Variants in ARFGEF3 observed in about 807,000 individuals in gnomAD.
ARFGEF3 encodes brefeldin A-inhibited guanine nucleotide-exchange protein 3.
Under a neutral mutation model 221.7 loss-of-function variants are expected in ARFGEF3, and 96 were observed. The observed-to-expected ratio is 0.43, with a 90% confidence interval of 0.37 to 0.51. The LOEUF (loss-of-function observed/expected upper bound fraction) is 0.51. Ranked by LOEUF, ARFGEF3 falls within the 20% of genes least tolerant of loss-of-function variation. The probability of loss-of-function intolerance (pLI) is 0.00; values close to 1 mark genes in which losing one functional copy is unlikely to be tolerated. For synonymous variants in ARFGEF3, 1,145 were observed against 1,126.8 expected (o/e 1.02, Z -0.32); for missense variants, 2,410 against 2,789.9 (o/e 0.86, Z 3.07).
chr6:138,203,824 G>A (rs1777579915), intron 2 of ARFGEF3, among the ~76,000 whole-genome samples: 1 of 151,986 alleles, frequency 6.6e-6, no homozygotes, highest in South Asian at 2.1e-4. Context: ...TGCATTTTTA[G>A]TAGAGACGGG....
chr6:138,298,380 T>C (rs186913567), intron 21 of ARFGEF3, among the ~76,000 whole-genome samples: 1 of 152,344 alleles, frequency 6.6e-6, no homozygotes, highest in East Asian at 1.9e-4. Context: ...CTTTCCTTTT[T>C]CTAGAAACAT....
At chr6:138,314,743 A>G (rs1325225233) in intron 26 of ARFGEF3, among the ~76,000 whole-genome samples, 1 of 152,252 alleles carries the variant, frequency 6.6e-6, no homozygotes, top group Non-Finnish European at 1.5e-5. Context: ...CAGAGCAGAC[A>G]TTAAATTGTA....
At chr6:138,333,480 T>C (rs971126571) in intron 32 of ARFGEF3, among the ~76,000 whole-genome samples, 22 of 152,288 alleles carry the variant, frequency 1.4e-4, no homozygotes, top group East Asian at 5.8e-4. Context: ...CTTGCTCTGT[T>C]GCCCAGGCTG....
intron 1 of ARFGEF3, among the ~76,000 whole-genome samples, chr6:138,168,277 A>G (rs968371119): frequency 2.0e-5 from 3 of 152,226 alleles, no homozygotes; most frequent in Non-Finnish European, 4.4e-5. Flanking sequence ...AGTGAAGAAG[A>G]TAGGAGGTAC....
rs183881992 is a variant in ARFGEF3, at chr6:138,209,990, C to T, written c.300C>T (p.Ala100=). 1.1e-4 allele frequency: 171 copies of T among 1,613,804 alleles called. No homozygotes were observed. In the East Asian group the frequency reaches 1.2e-3, roughly 11 times the overall value. ...EKQLLNQILN[A]VKVTPSLNED... ...AGCTGCTCAATCAGATACTGAATGC[C>T]GTGAAAGTGACGCCTTCGCTCAACG... The change falls in exon 4 of 34, where the codon GCC becomes GCT. Residue 100 remains alanine (A), a synonymous_variant. Coordinates refer to ENST00000251691, the MANE Select transcript of ARFGEF3 (RefSeq NM_020340.5).
chr6:138,324,238 C>T (rs1780090238), intron 31 of ARFGEF3, 84 bp downstream of exon 31: 12 of 1,493,442 alleles, frequency 8.0e-6, no homozygotes, highest in South Asian at 6.4e-5. Flanking sequence ...CTCGCATCAC[C>T]AAATTGCCTT....
Position 138,263,291 on chromosome 6 carries a change from T to C in ARFGEF3, c.1808T>C (p.Leu603Pro), listed in dbSNP as rs759951964. The change falls in exon 12 of 34, where the codon CTT becomes CCT. Residue 603 changes from leucine to proline, a missense_variant. Leu to Pro is a moderately conservative substitution (Grantham distance 98). Around this residue, in one of 5 missense-constraint regions of ARFGEF3, gnomAD observed 594 missense variants for 734.3 expected, o/e 0.81. Transcript: ENST00000251691. The stretch of plus-strand genomic sequence containing the variant: ...AATTTTAGCGTTGATGACCAAGACC[T>C]TTCTAGGACAGAGTTTGATTCCTGT... ...ESNFSVDDQD[L>P]SRTEFDSCDQ... 1 of 1,613,984 alleles carries C rather than the reference T, an allele frequency of 6.2e-7. No homozygotes were observed. Among genetic ancestry groups the C allele is most frequent in the Non-Finnish European group, 8.5e-7 (1 of 1,179,896 alleles).
At chr6:138,220,808 G>C (rs934846079) in intron 4 of ARFGEF3, among the ~76,000 whole-genome samples, 1 of 152,136 alleles carries the variant, frequency 6.6e-6, no homozygotes, top group Non-Finnish European at 1.5e-5. Context: ...AATCCAGTTT[G>C]TTCTCCATAA....
At chr6:138,323,805 C>A (rs371206829) in intron 30 of ARFGEF3, 32 bp downstream of exon 30, 1 of 1,601,542 alleles carries the variant, frequency 6.2e-7, no homozygotes, top group East Asian at 2.2e-5. Context: ...CTCCCTGGCA[C>A]AGTTCTAACC....
At position 138,315,807 on chromosome 6, in the gene ARFGEF3, G is replaced by A. The variant is rs555672400; in HGVS notation, c.4346-1444G>A. On this transcript the variant is annotated intron_variant, in intron 26 of 33. Transcript: ENST00000251691. Reference sequence around the variant, plus strand: ...GGAGGTTGCAGTGAGCCGAGATTGCGCCACTGCACTCTAGACTGGGTGACA... The same window carrying A: ...GGAGGTTGCAGTGAGCCGAGATTGCACCACTGCACTCTAGACTGGGTGACA... Among the ~76,000 whole-genome samples the A allele has an allele frequency of 2.2e-4, 33 of 150,904 alleles. No individual in the cohort carries two copies. In the South Asian group the frequency reaches 6.1e-3, roughly 28 times the overall value.
rs570586731 is a variant in ARFGEF3 at position 138,249,724 on chromosome 6, G to T, written c.665+4133G>T. The stretch of plus-strand genomic sequence containing the variant: ...ATGGCTTTAGGCATGTTATTTTAGA[G>T]CTTAATGATTTTATAGGATTCTCAG... On this transcript the variant is annotated intron_variant, in intron 8 of 33. Coordinates refer to ENST00000251691, the MANE Select transcript of ARFGEF3 (RefSeq NM_020340.5). 2.6e-5 allele frequency among the ~76,000 whole-genome samples: 4 copies of T among 152,296 alleles called. No homozygotes were observed. In the South Asian group the frequency reaches 8.3e-4, roughly 32 times the overall value.
intron 12 of ARFGEF3, among the ~76,000 whole-genome samples, chr6:138,277,505 T>C (rs1583045314): frequency 1.3e-5 from 2 of 152,242 alleles, no homozygotes; most frequent in South Asian, 2.1e-4. Flanking sequence ...CTGGGTCATA[T>C]AGTGATTCTA....
chr6:138,181,287 A>G (rs1777075566), intron 2 of ARFGEF3, among the ~76,000 whole-genome samples: 1 of 152,182 alleles, frequency 6.6e-6, no homozygotes, highest in Non-Finnish European at 1.5e-5. Flanking sequence ...ATGTGCACGA[A>G]TTATTAATCT....
intron 8 of ARFGEF3, among the ~76,000 whole-genome samples, chr6:138,253,174 G>A (rs1231321606): frequency 2.0e-5 from 3 of 152,198 alleles, no homozygotes; most frequent in Admixed American, 1.3e-4. Context: ...ATGGACTTTA[G>A]TTAATATATC....
intron 12 of ARFGEF3, among the ~76,000 whole-genome samples, chr6:138,275,503 C>A (rs978646301): frequency 1.2e-4 from 19 of 152,116 alleles, no homozygotes; most frequent in African/African-American, 4.6e-4. Flanking sequence ...GTAATCCCAG[C>A]ACTTTGGGAG....
At chr6:138,195,856 G>A (rs1415033515) in intron 2 of ARFGEF3, among the ~76,000 whole-genome samples, 2 of 152,138 alleles carry the variant, frequency 1.3e-5, no homozygotes, top group African/African-American at 4.8e-5. Flanking sequence ...GGCTGTGTGA[G>A]GAATTAAGTG....
At chr6:138,264,070 T>C (rs1001633729) in intron 12 of ARFGEF3, among the ~76,000 whole-genome samples, 1 of 152,220 alleles carries the variant, frequency 6.6e-6, no homozygotes, top group African/African-American at 2.4e-5. Context: ...TGAATTCTAG[T>C]GAACATTCGA....
chr6:138,170,357 A>G (rs1045369644), intron 1 of ARFGEF3, among the ~76,000 whole-genome samples: 9 of 152,232 alleles, frequency 5.9e-5, no homozygotes, highest in Non-Finnish European at 1.2e-4. Flanking sequence ...AGAATATTGT[A>G]TCTTAGTTGT....
Position 138,162,313 on chromosome 6 carries a change from G to A in ARFGEF3, c.85+142G>A, listed in dbSNP as rs76412619. On this transcript the variant is annotated intron_variant, in intron 1 of 33. Coordinates refer to ENST00000251691, the MANE Select transcript of ARFGEF3 (RefSeq NM_020340.5). The surrounding 1 kb of genome is among the most constrained non-coding windows in gnomAD (Gnocchi z 4.7). ...GCGAGAGTCGCCTCGGGAAATTGAT[G>A]TGGGATTTGAGAGTCTTGGCTCGGG... 260 of 563,500 alleles carry A rather than the reference G, an allele frequency of 4.6e-4. 1 individual carries two copies. Among genetic ancestry groups the A allele is most frequent in the African/African-American group, 4.3e-3 (212 of 49,392 alleles). The allele number at this position is 563,500 out of a possible 1,614,324, so 34.9% of individuals were successfully genotyped here.
Sources: allele counts gnomAD v4.1 joint callset (sites outside exome capture counted in the v4.1 genomes callset), GRCh38; gene constraint gnomAD v4.1.1; regional missense constraint gnomAD v4.1.1; non-coding constraint Gnocchi (gnomAD v3.1); transcripts MANE v1.5; gene names NCBI Gene and HGNC (gene_info 2026-07-23, HGNC 2026-07-21).